SLAIN1: variants seen among roughly 807,000 people sequenced by gnomAD.
SLAIN1 encodes the protein SLAIN motif-containing protein 1.
Under a neutral mutation model 55.4 loss-of-function variants are expected in SLAIN1, and 17 were observed. The ratio of observed to expected loss-of-function variants is 0.31; its 90% CI spans 0.21 to 0.46. The LOEUF is 0.46. Ranked by LOEUF, SLAIN1 falls within the 20% of genes least tolerant of loss-of-function variation. The probability of loss-of-function intolerance (pLI) is 1.00; values close to 1 mark genes in which losing one functional copy is unlikely to be tolerated. For synonymous variants in SLAIN1, 348 were observed against 337.4 expected (o/e 1.03, Z -0.35); for missense variants, 682 against 785.1 (o/e 0.87, Z 1.57).
intron 4 of SLAIN1, among the ~76,000 whole-genome samples, chr13:77,748,790 T>G (rs1043328751): frequency 2.0e-5 from 3 of 152,164 alleles, no homozygotes; most frequent in Non-Finnish European, 4.4e-5. Context: ...GTCCAGTAGA[T>G]CCTGTGTTTC....
At chr13:77,730,296 T>C (rs1265511048) in intron 2 of SLAIN1, among the ~76,000 whole-genome samples, 1 of 152,270 alleles carries the variant, frequency 6.6e-6, no homozygotes, top group Non-Finnish European at 1.5e-5. Flanking sequence ...ATTACCTGAA[T>C]TGTCTTAGAA....
chr13:77,732,671 A>G (rs79462862), intron 2 of SLAIN1, among the ~76,000 whole-genome samples: 1 of 147,174 alleles, frequency 6.8e-6, no homozygotes. Flanking sequence ...TTACTACTAC[A>G]TTTTTTTTTT....
intron 1 of SLAIN1, among the ~76,000 whole-genome samples, chr13:77,700,674 C>CTA (rs1555274922): frequency 6.6e-6 from 1 of 152,132 alleles, no homozygotes; most frequent in Non-Finnish European, 1.5e-5. Flanking sequence ...TCACTGCAGA[C>CTA]TATAGTGTCC....
At chr13:77,723,757 C>A (rs2091283287) in intron 2 of SLAIN1, among the ~76,000 whole-genome samples, 1 of 152,002 alleles carries the variant, frequency 6.6e-6, no homozygotes, top group Admixed American at 6.6e-5. Context: ...AACTTTAGTT[C>A]TGCAAAATTT....
intron 1 of SLAIN1, among the ~76,000 whole-genome samples, chr13:77,700,885 C>A (rs1418563810): frequency 6.6e-6 from 1 of 152,136 alleles, no homozygotes; most frequent in Non-Finnish European, 1.5e-5. Context: ...GGTATAAGGT[C>A]ACAAAAATTA....
intron 2 of SLAIN1, among the ~76,000 whole-genome samples, chr13:77,739,950 T>A (rs1054515699): frequency 8.5e-5 from 13 of 152,054 alleles, no homozygotes; most frequent in Non-Finnish European, 1.5e-5. Flanking sequence ...TCAACTTATA[T>A]TTTTGAAAAA....
intron 1 of SLAIN1, chr13:77,699,339 C>T (rs542721699): frequency 8.4e-5 from 18 of 213,228 alleles, no homozygotes; most frequent in Non-Finnish European, 1.3e-4. Flanking sequence ...GCCTTATTTT[C>T]TTATTTCTTG....
chr13:77,730,535 C>T (rs755901979), intron 2 of SLAIN1, among the ~76,000 whole-genome samples: 6 of 152,072 alleles, frequency 3.9e-5, no homozygotes, highest in Non-Finnish European at 5.9e-5. Context: ...TAATTTACTT[C>T]GGAAACATAA....
At chr13:77,732,750 G>C (rs1335428715) in intron 2 of SLAIN1, among the ~76,000 whole-genome samples, 3 of 151,984 alleles carry the variant, frequency 2.0e-5, no homozygotes, top group Admixed American at 2.0e-4. Context: ...CAGTCACTCT[G>C]GTCCTGGATA....
At chr13:77,726,821 G>T (rs1270550535) in intron 2 of SLAIN1, among the ~76,000 whole-genome samples, 1 of 152,168 alleles carries the variant, frequency 6.6e-6, no homozygotes, top group Non-Finnish European at 1.5e-5. Flanking sequence ...GTATCATGTA[G>T]TCAGCACAGT....
chr13:77,701,051 G>T (rs2091026005), intron 1 of SLAIN1, among the ~76,000 whole-genome samples: 1 of 151,940 alleles, frequency 6.6e-6, no homozygotes, highest in Admixed American at 6.6e-5. Context: ...ACATACATTG[G>T]ACATTTGTGT....
intron 1 of SLAIN1, among the ~76,000 whole-genome samples, chr13:77,705,596 T>A (rs922583430): frequency 7.2e-5 from 11 of 151,982 alleles, no homozygotes; most frequent in African/African-American, 2.7e-4. Context: ...ATAAAGTGAT[T>A]TTTAAAATGA....
chr13:77,738,771 C>G (rs1000414581), intron 2 of SLAIN1, among the ~76,000 whole-genome samples: 5 of 152,022 alleles, frequency 3.3e-5, no homozygotes, highest in African/African-American at 1.2e-4. Context: ...GGGTCCTGAC[C>G]TCCAGGGCTT....
intron 2 of SLAIN1, among the ~76,000 whole-genome samples, chr13:77,730,536 G>A (rs546287339): frequency 6.6e-6 from 1 of 152,066 alleles, no homozygotes; most frequent in African/African-American, 2.4e-5. Context: ...AATTTACTTC[G>A]GAAACATAAG....
chr13:77,743,141 G>C (rs1485300505), intron 2 of SLAIN1: 1 of 1,302,190 alleles, frequency 7.7e-7, no homozygotes, highest in East Asian at 5.6e-5. Flanking sequence ...CTCAAATAAA[G>C]CAATACTAAC....
chr13:77,708,536 C>G (rs1351164073), intron 1 of SLAIN1, among the ~76,000 whole-genome samples: 9 of 152,144 alleles, frequency 5.9e-5, no homozygotes, highest in Non-Finnish European at 1.2e-4. Flanking sequence ...GGCAGGTGCC[C>G]CTCTGGAACA....
chr13:77,741,072 G>A, intron 2 of SLAIN1: 1 of 805,658 alleles, frequency 1.2e-6, no homozygotes, highest in Non-Finnish European at 1.5e-6. Flanking sequence ...GGGAGGCTGG[G>A]TCACAGTGGT....
rs7338276 is a variant in SLAIN1 at position 77,714,183 on chromosome 13, A to G, written c.627-5349A>G. Among the ~76,000 whole-genome samples the G allele has an allele frequency of 7.3e-3, 1,117 of 152,260 alleles. 17 individuals carry two copies. Among genetic ancestry groups the G allele is most frequent in the African/African-American group, 0.025 (1,045 of 41,542 alleles). The stretch of plus-strand genomic sequence containing the variant: ...ACTTAAAGTATAGTAATAAAAAAAT[A>G]AGGAAAATTGGTGAAAAAAGTATTG... On this transcript the variant is annotated intron_variant, in intron 1 of 6. Transcript: ENST00000418532.
chr13:77,724,140 A>G (rs1366806973), intron 2 of SLAIN1, among the ~76,000 whole-genome samples: 2 of 152,144 alleles, frequency 1.3e-5, no homozygotes, highest in East Asian at 3.9e-4. Flanking sequence ...TGTAAAATCT[A>G]GTGGCTTTCT....
Sources: allele counts gnomAD v4.1 joint callset (sites outside exome capture counted in the v4.1 genomes callset), GRCh38; gene constraint gnomAD v4.1.1; transcripts MANE v1.5; gene names NCBI Gene and HGNC (gene_info 2026-07-23, HGNC 2026-07-21).